MYO10: variants seen among roughly 807,000 people sequenced by gnomAD.
MYO10 encodes myosin X.
In MYO10, 133 loss-of-function variants were observed where a neutral mutation model predicts 257.3. That is an observed-to-expected ratio of 0.52 (90% CI 0.45 to 0.60). The LOEUF (loss-of-function observed/expected upper bound fraction) is 0.60. Among genes scored for constraint, MYO10 ranks in the 20% least tolerant of loss-of-function variants. The pLI, the probability that MYO10 is intolerant of heterozygous loss-of-function variation, is 0.00. For missense variants in MYO10, 2,399 were observed against 2,635.7 expected (o/e 0.91, Z 1.97); for synonymous variants, 1,104 against 1,028.6 (o/e 1.07, Z -1.40).
At chr5:16,918,612 C>T (rs747087062) in intron 1 of MYO10, among the ~76,000 whole-genome samples, 1 of 148,300 alleles carries the variant, frequency 6.7e-6, no homozygotes, top group Non-Finnish European at 1.5e-5. Flanking sequence ...AAGCGATTCT[C>T]CTGCCTCAGC....
chr5:16,865,004 G>A (rs1021388665), intron 2 of MYO10, among the ~76,000 whole-genome samples: 3 of 152,186 alleles, frequency 2.0e-5, no homozygotes, highest in African/African-American at 7.2e-5. Flanking sequence ...GTCCATCTCA[G>A]AGGTGGGTAT....
intron 19 of MYO10, among the ~76,000 whole-genome samples, chr5:16,720,756 C>G (rs766231589): frequency 2.6e-5 from 4 of 152,234 alleles, no homozygotes; most frequent in Non-Finnish European, 4.4e-5. Flanking sequence ...CCGCGCCCAG[C>G]CTCCACATTG....
intron 2 of MYO10, among the ~76,000 whole-genome samples, chr5:16,822,749 A>G (rs1004201822): frequency 8.0e-5 from 12 of 149,126 alleles, no homozygotes; most frequent in Non-Finnish European, 8.9e-5. Flanking sequence ...GTGCAGTGGC[A>G]CAATCTCGGC....
intron 1 of MYO10, among the ~76,000 whole-genome samples, chr5:16,921,744 G>A (rs1244303279): frequency 3.9e-5 from 6 of 152,056 alleles, no homozygotes; most frequent in Admixed American, 2.6e-4. Context: ...TTCTCAACTG[G>A]GAGCAATTTT....
intron 28 of MYO10, among the ~76,000 whole-genome samples, chr5:16,687,179 G>C (rs1375163624): frequency 6.6e-6 from 1 of 151,682 alleles, no homozygotes; most frequent in Non-Finnish European, 1.5e-5. Context: ...AAATTAGCTG[G>C]GTGTAGTGGT....
At chr5:16,883,193 G>A (rs983739259) in intron 1 of MYO10, among the ~76,000 whole-genome samples, 2 of 152,096 alleles carry the variant, frequency 1.3e-5, no homozygotes, top group African/African-American at 4.8e-5. Flanking sequence ...GGGATTACAG[G>A]TGTGAGCCAC....
At chr5:16,826,279 C>A (rs990177858) in intron 2 of MYO10, among the ~76,000 whole-genome samples, 6 of 152,088 alleles carry the variant, frequency 3.9e-5, no homozygotes, top group Admixed American at 1.3e-4. Context: ...AACTTAAGGA[C>A]AACAAACAAG....
In MYO10 at chr5:16,672,715, T is replaced by C. The variant is rs1736526274; in HGVS notation, c.5283A>G (p.Val1761=). 1 of 1,614,068 alleles carries C rather than the reference T, an allele frequency of 6.2e-7. No homozygotes were observed. The highest frequency in any genetic ancestry group is 8.5e-7 in the Non-Finnish European group (1 of 1,179,902). ...VDKAIESRTV[V]ADVLAKFEKL... ...TTTCAAACTTGGCTAAGACATCAGC[T>C]ACGACGGTTCGACTTTCAATGGCTT... Residue 1761 remains valine (V), a synonymous_variant, in exon 37 of 41, where the codon GTA becomes GTG. Coordinates refer to ENST00000513610, the MANE Select transcript of MYO10 (RefSeq NM_012334.3).
chr5:16,884,657 C>CT (rs34750487), intron 1 of MYO10, among the ~76,000 whole-genome samples: 104 of 143,428 alleles, frequency 7.3e-4, no homozygotes, highest in African/African-American at 1.6e-3. Flanking sequence ...CTGTTTTCGT[C>CT]TTTTTTTTTT....
chr5:16,733,818 C>A lies in MYO10; in HGVS notation c.1929+21010G>T, dbSNP rs184725322. On this transcript the variant is annotated intron_variant, in intron 19 of 40. Transcript: ENST00000513610. ...CATCCCCGGGCCTCTTCAGGACTCT[C>A]CAGGCTGGACTCTGGGCAGGGGGCG... 4.1e-3 allele frequency among the ~76,000 whole-genome samples: 630 copies of A among 152,292 alleles called. 3 individuals carry two copies. Among genetic ancestry groups the A allele is most frequent in the Non-Finnish European group, 5.4e-3 (365 of 68,030 alleles).
chr5:16,802,343 AT>A (rs1553997911), intron 3 of MYO10, among the ~76,000 whole-genome samples: 1 of 150,738 alleles, frequency 6.6e-6, no homozygotes, highest in Admixed American at 6.6e-5. Flanking sequence ...CCAAAATAAA[AT>A]TTTTTTTTTA....
chr5:16,670,483 GCCAGCAC>G, intron 39 of MYO10, 36 bp downstream of exon 39: 1 of 1,517,626 alleles, frequency 6.6e-7, no homozygotes, highest in Non-Finnish European at 9.0e-7. Context: ...GTTCTCAGAT[GCCAGCAC>G]CCAGCCCACC....
At chr5:16,690,027 T>C (rs1737425122) in intron 27 of MYO10, 108 bp from the exon 28 acceptor site, 4 of 795,060 alleles carry the variant, frequency 5.0e-6, no homozygotes, top group Non-Finnish European at 8.5e-6. Flanking sequence ...TGTCTGTTAC[T>C]GACGAAACGG....
chr5:16,819,222 A>G (rs1313363775), intron 2 of MYO10, among the ~76,000 whole-genome samples: 2 of 152,160 alleles, frequency 1.3e-5, no homozygotes, highest in African/African-American at 2.4e-5. Context: ...TTGCTCAAGA[A>G]CCTATCTTCT....
chr5:16,761,062 G>C lies in MYO10; in HGVS notation c.1739+402C>G, dbSNP rs563276339. 8.6e-4 allele frequency among the ~76,000 whole-genome samples: 130 copies of C among 151,858 alleles called. 1 individual carries two copies. Among genetic ancestry groups the C allele is most frequent in the Middle Eastern group, 3.4e-3 (1 of 294 alleles). ...CTGGACTGCAATGGCGCAATCTTGG[G>C]TCACTGCAACCTCCACCTCCCAGGT... is the stretch of plus-strand genomic sequence containing the variant. On this transcript the variant is annotated intron_variant, in intron 17 of 40. Coordinates refer to ENST00000513610, the MANE Select transcript of MYO10 (RefSeq NM_012334.3).
At chr5:16,887,070 TA>T (rs1744918230) in intron 1 of MYO10, among the ~76,000 whole-genome samples, 1 of 151,904 alleles carries the variant, frequency 6.6e-6, no homozygotes, top group Non-Finnish European at 1.5e-5. Context: ...CTCATTACCA[TA>T]AAGTTCACAG....
At chr5:16,776,632 G>T (rs1231526934) in intron 9 of MYO10, among the ~76,000 whole-genome samples, 1 of 152,134 alleles carries the variant, frequency 6.6e-6, no homozygotes, top group Non-Finnish European at 1.5e-5. Flanking sequence ...CAAATGCCAA[G>T]ACCTATTATT....
rs745862487 is a variant in MYO10 at position 16,702,524 on chromosome 5, T to C, written c.2556+19A>G. ...GGAAGTAGAAACACAAGAGGCTAAG[T>C]TGTCACTGCACTCATTACCTGCTGG... On this transcript the variant is annotated intron_variant, in intron 24 of 40. Transcript: ENST00000513610. 2.5e-6 allele frequency: 4 copies of C among 1,585,614 alleles called. No individual in the cohort carries two copies. In the East Asian group the frequency reaches 6.8e-5, roughly 27 times the overall value.
intron 1 of MYO10, among the ~76,000 whole-genome samples, chr5:16,920,098 ACATT>A (rs1273347498): frequency 1.3e-5 from 2 of 152,060 alleles, no homozygotes; most frequent in Non-Finnish European, 2.9e-5. Flanking sequence ...CAACAGAGCG[ACATT>A]CAGTCTCAAA....
Sources: gnomAD v4.1 joint callset for allele counts (sites outside exome capture counted in the v4.1 genomes callset) on GRCh38, gnomAD v4.1.1 for gene constraint, MANE v1.5 for transcripts, NCBI Gene and HGNC (gene_info 2026-07-23, HGNC 2026-07-21) for gene names.